The following STS variants were observed in gnomAD, a reference collection of about 807,000 sequenced individuals.
The protein encoded by STS is steryl-sulfatase.
In STS, 7 loss-of-function variants were observed where a neutral mutation model predicts 26.8. The ratio of observed to expected loss-of-function variants is 0.26; its 90% CI spans 0.15 to 0.49. STS has a LOEUF of 0.49. STS is among the 20% of genes least tolerant of loss of function. STS has a pLI of 0.98. For synonymous variants in STS, 199 were observed against 189.4 expected (o/e 1.05, Z -0.42); for missense variants, 434 against 465.6 (o/e 0.93, Z 0.63).
At chrX:7,207,103 TC>T (rs1920955777) in intron 2 of STS, among the ~76,000 whole-genome samples, 1 of 111,462 alleles carries the variant, frequency 9.0e-6, no homozygotes, top group African/African-American at 3.3e-5. Context: ...GGTGGGAGGA[TC>T]CCTCAAGCCT....
intron 8 of STS, among the ~76,000 whole-genome samples, chrX:7,311,276 G>A (rs908980034): frequency 7.3e-5 from 8 of 110,073 alleles, no homozygotes; most frequent in South Asian, 4.1e-4. Context: ...GTGAGCTTTC[G>A]TAAACATAGT....
At chrX:7,270,884 G>A (rs1198538764) in intron 6 of STS, among the ~76,000 whole-genome samples, 5 of 111,482 alleles carry the variant, frequency 4.5e-5, no homozygotes, top group African/African-American at 1.6e-4. Context: ...ATTATTTGCC[G>A]GTTGTGTCAT....
rs749590665 is a variant in STS at position 7,152,151 on chromosome X, AC to A, written c.-134+4070del. 3.6e-3 allele frequency among the ~76,000 whole-genome samples: 397 copies of A among 109,130 alleles called. 2 individuals carry two copies. The highest frequency in any genetic ancestry group is 0.012 in the African/African-American group (373 of 29,904). 94.8% of individuals were successfully genotyped at this position (109,130 alleles called of 115,157 possible). Reference sequence around the variant, plus strand: ...GTATTTTTAGTAGAGACGGGGTTTCACCATGTTAGCCAGGATGGTCTCGATT... The same window carrying A: ...GTATTTTTAGTAGAGACGGGGTTTCACATGTTAGCCAGGATGGTCTCGATT... On this transcript the variant is annotated intron_variant, in intron 1 of 10. Transcript: ENST00000674429.
At position 7,199,921 on chromosome X, in the gene STS, C is replaced by T. The variant is rs769916065; in HGVS notation, c.-5+8913C>T. On this transcript the variant is annotated intron_variant, in intron 2 of 10. Coordinates refer to ENST00000674429, the MANE Select transcript of STS (RefSeq NM_001320752.2). The stretch of plus-strand genomic sequence containing the variant: ...CTAATAAAACCCTTAGCTTTGGAGA[C>T]ATTACCATACAAATGTAAAAGATAA... Among the ~76,000 whole-genome samples, 6 of 110,798 alleles carry T rather than the reference C, an allele frequency of 5.4e-5. No individual in the cohort carries two copies. The East Asian group carries it at 1.7e-3, about 31-fold the overall frequency.
chrX:7,251,224 A>G (rs1016082887), intron 2 of STS, among the ~76,000 whole-genome samples: 1 of 111,535 alleles, frequency 9.0e-6, no homozygotes, highest in Non-Finnish European at 1.9e-5. Flanking sequence ...TGTGTTCCTG[A>G]TTCTGAGGTC....
intron 2 of STS, among the ~76,000 whole-genome samples, chrX:7,214,552 T>C (rs1921161023): frequency 8.9e-6 from 1 of 111,812 alleles, no homozygotes; most frequent in Non-Finnish European, 1.9e-5. Flanking sequence ...TTATTTATGC[T>C]TTTATTTCAA....
chrX:7,220,122 T>A (rs1294276948), intron 2 of STS, among the ~76,000 whole-genome samples: 1 of 111,779 alleles, frequency 8.9e-6, no homozygotes, highest in Admixed American at 9.5e-5. Context: ...TGGGTTTCTG[T>A]CTCCATTGGT....
chrX:7,243,182 C>T (rs1274399332), intron 2 of STS, among the ~76,000 whole-genome samples: 1 of 111,865 alleles, frequency 8.9e-6, no homozygotes, highest in Non-Finnish European at 1.9e-5. Context: ...TCTGCCTCAG[C>T]CTCCTGATTA....
At chrX:7,274,833 G>A (rs1176407612) in intron 6 of STS, among the ~76,000 whole-genome samples, 4 of 112,132 alleles carry the variant, frequency 3.6e-5, no homozygotes, top group African/African-American at 6.5e-5. Flanking sequence ...TGACCATTTA[G>A]TGTTCATTCT....
At chrX:7,240,362 T>C (rs958685482) in intron 2 of STS, among the ~76,000 whole-genome samples, 28 of 106,756 alleles carry the variant, frequency 2.6e-4, no homozygotes, top group Non-Finnish European at 4.4e-4. Context: ...AATGGGCTTT[T>C]ATCCTATTGT....
chrX:7,264,911 A>G (rs749536559), intron 6 of STS, among the ~76,000 whole-genome samples: 5 of 111,419 alleles, frequency 4.5e-5, no homozygotes, highest in Non-Finnish European at 9.4e-5. Flanking sequence ...ATTCAGTTAT[A>G]TCATCATCTA....
intron 1 of STS, among the ~76,000 whole-genome samples, chrX:7,175,368 C>G (rs1428744201): frequency 3.6e-5 from 4 of 110,091 alleles, no homozygotes; most frequent in Non-Finnish European, 7.6e-5. Context: ...GTGGTACGTG[C>G]TTGTAGTTCT....
chrX:7,238,175 G>A, intron 2 of STS, among the ~76,000 whole-genome samples: 1 of 78,649 alleles, frequency 1.3e-5, no homozygotes, highest in African/African-American at 4.8e-5. Context: ...CACAATGCGT[G>A]GTGTAGATAG....
At chrX:7,341,683 G>A (rs770851586) in intron 10 of STS, among the ~76,000 whole-genome samples, 1 of 111,688 alleles carries the variant, frequency 9.0e-6, no homozygotes, top group Non-Finnish European at 1.9e-5. Context: ...GGTAGGTCCC[G>A]AGGGGACTGT....
intron 7 of STS, among the ~76,000 whole-genome samples, chrX:7,304,544 A>T (rs1342108651): frequency 2.7e-5 from 3 of 111,713 alleles, no homozygotes; most frequent in Non-Finnish European, 5.6e-5. Flanking sequence ...AGATTTGGGT[A>T]TCTACTGTAA....
intron 8 of STS, 76 bp from the exon 9 acceptor site, chrX:7,325,263 G>T: frequency 9.1e-7 from 1 of 1,095,504 alleles, no homozygotes; most frequent in Non-Finnish European, 1.3e-6. Context: ...CATTGAGCAC[G>T]AAAGAGTCCA....
intron 8 of STS, among the ~76,000 whole-genome samples, chrX:7,311,924 G>A (rs1200930175): frequency 2.7e-5 from 3 of 111,605 alleles, no homozygotes; most frequent in African/African-American, 9.8e-5. Context: ...CTACTCAGGA[G>A]GCTGAGGTAA....
In STS at chrX:7,199,328, T is replaced by C. The variant is rs1308022066; in HGVS notation, c.-5+8320T>C. ...ATAATTTAGGGTCACAGCCTTCTAA[T>C]TTTACAATAATAATCAGTTGACAAA... On this transcript the variant is annotated intron_variant, in intron 2 of 10. Coordinates refer to ENST00000674429, the MANE Select transcript of STS (RefSeq NM_001320752.2). Among the ~76,000 whole-genome samples the C allele has an allele frequency of 2.7e-5, 3 of 112,007 alleles. No individual in the cohort carries two copies. The Admixed American group carries it at 2.9e-4, about 11-fold the overall frequency.
chrX:7,272,474 G>A (rs972799181), intron 6 of STS, among the ~76,000 whole-genome samples: 9 of 111,315 alleles, frequency 8.1e-5, no homozygotes, highest in African/African-American at 2.9e-4. Flanking sequence ...CGAGATTTAG[G>A]ACAGAAGTTC....
Sources: gnomAD v4.1 joint callset for allele counts (sites outside exome capture counted in the v4.1 genomes callset) on GRCh38, gnomAD v4.1.1 for gene constraint, MANE v1.5 for transcripts, NCBI Gene and HGNC (gene_info 2026-07-23, HGNC 2026-07-21) for gene names.